Variants in TRPC5 observed in about 807,000 individuals in gnomAD.
TRPC5 encodes the protein short transient receptor potential channel 5.
In TRPC5, 9 loss-of-function variants were observed where a neutral mutation model predicts 56.5. The ratio of observed to expected loss-of-function variants is 0.16; its 90% CI spans 0.10 to 0.28. The LOEUF (loss-of-function observed/expected upper bound fraction) is 0.28. Ranked by LOEUF, TRPC5 falls within the 10% of genes least tolerant of loss-of-function variation. TRPC5 has a pLI of 1.00. For synonymous variants in TRPC5, 282 were observed against 278.5 expected (o/e 1.01, Z -0.13); for missense variants, 469 against 748.9 (o/e 0.63, Z 4.36).
chrX:111,972,309 G>A (rs1345500023), intron 1 of TRPC5, among the ~76,000 whole-genome samples: 1 of 111,999 alleles, frequency 8.9e-6, no homozygotes, highest in Non-Finnish European at 1.9e-5. Flanking sequence ...TCTGAAGACG[G>A]TATTCATATT....
chrX:111,929,262 A>G (rs764104554), intron 2 of TRPC5, among the ~76,000 whole-genome samples: 8 of 112,119 alleles, frequency 7.1e-5, no homozygotes, highest in Non-Finnish European at 1.1e-4. Context: ...CCTCATTCAT[A>G]TACTTGAGAC....
rs773086070 is a variant in TRPC5, at chrX:111,975,827, C to T, written c.-21-23386G>A. On this transcript the variant is annotated intron_variant, in intron 1 of 10. Coordinates refer to ENST00000262839, the MANE Select transcript of TRPC5 (RefSeq NM_012471.3). ...GCTGAGGCAGGAGAATGGAGCAAAG[C>T]GGAGAGGCGGAGCTTGCAGTGAGCC... 8.9e-5 allele frequency among the ~76,000 whole-genome samples: 10 copies of T among 112,002 alleles called. No homozygotes were observed. The South Asian group carries it at 1.5e-3, about 17-fold the overall frequency.
At chrX:112,062,390 G>T (rs1278557194) in intron 1 of TRPC5, among the ~76,000 whole-genome samples, 1 of 111,171 alleles carries the variant, frequency 9.0e-6, no homozygotes, top group East Asian at 2.8e-4. Context: ...TTATATAAGA[G>T]AATCACTACG....
At chrX:112,050,736 G>A (rs73266347) in intron 1 of TRPC5, among the ~76,000 whole-genome samples, 13,892 of 111,418 alleles carry the variant, frequency 0.12, 705 homozygotes, top group African/African-American at 0.16. Flanking sequence ...GAGAAGGACC[G>A]AGGAAAGAGT....
chrX:111,886,143 G>T (rs1346719590), intron 3 of TRPC5, among the ~76,000 whole-genome samples: 2 of 111,647 alleles, frequency 1.8e-5, no homozygotes, highest in Non-Finnish European at 3.8e-5. Flanking sequence ...AGTTGGGCAT[G>T]GTGGTGGGCG....
chrX:112,003,004 T>C (rs1426262110), intron 1 of TRPC5, among the ~76,000 whole-genome samples: 1 of 111,480 alleles, frequency 9.0e-6, no homozygotes, highest in Non-Finnish European at 1.9e-5. Flanking sequence ...GAGCAGAGCA[T>C]GTTAATAACT....
chrX:112,069,464 G>T (rs1930663077), intron 1 of TRPC5, among the ~76,000 whole-genome samples: 1 of 111,814 alleles, frequency 8.9e-6, no homozygotes, highest in Non-Finnish European at 1.9e-5. Flanking sequence ...GTAAGATGGG[G>T]AAATGCCTAC....
Position 111,771,333 on chromosome X carries a change from AT to A in TRPC5, c.*4979del, listed in dbSNP as rs1358772106. 1.8e-5 allele frequency among the ~76,000 whole-genome samples: 2 copies of A among 111,827 alleles called. No homozygotes were observed. Among genetic ancestry groups the A allele is most frequent in the African/African-American group, 6.5e-5 (2 of 30,756 alleles). ...CCACTTAGTTTTATGTTTAAATATTATAATTCTTAATATGTATATGTCTCTC... is the reference window on the plus strand; with the variant it reads ...CCACTTAGTTTTATGTTTAAATATTAAATTCTTAATATGTATATGTCTCTC... On this transcript the variant is annotated 3_prime_UTR_variant, in exon 11 of 11. Coordinates refer to ENST00000262839, the MANE Select transcript of TRPC5 (RefSeq NM_012471.3).
At chrX:111,954,726 A>G (rs1194033565) in intron 1 of TRPC5, among the ~76,000 whole-genome samples, 1 of 111,277 alleles carries the variant, frequency 9.0e-6, no homozygotes, top group Non-Finnish European at 1.9e-5. Flanking sequence ...TGTTACTGGT[A>G]TAGGAAGCAT....
intron 7 of TRPC5, among the ~76,000 whole-genome samples, chrX:111,809,471 C>T (rs1453632470): frequency 9.0e-6 from 1 of 111,431 alleles, no homozygotes. Flanking sequence ...AATGTCTCAG[C>T]CACTATGCTC....
chrX:111,992,301 T>C (rs1015498248), intron 1 of TRPC5, among the ~76,000 whole-genome samples: 9 of 112,558 alleles, frequency 8.0e-5, no homozygotes, highest in South Asian at 3.6e-4. Context: ...TGCATACATA[T>C]GTCAAAACAT....
chrX:111,951,193 C>T (rs769074431), intron 2 of TRPC5, among the ~76,000 whole-genome samples: 1 of 111,586 alleles, frequency 9.0e-6, no homozygotes, highest in Non-Finnish European at 1.9e-5. Flanking sequence ...CTTGTTGGGG[C>T]CCCACCCCAG....
intron 1 of TRPC5, among the ~76,000 whole-genome samples, chrX:111,955,069 G>C (rs1054450964): frequency 2.7e-5 from 3 of 111,742 alleles, no homozygotes; most frequent in Admixed American, 9.5e-5. Context: ...GTAGTGAAGA[G>C]AGACAACAGT....
At chrX:111,905,721 T>A (rs1000919345) in intron 3 of TRPC5, among the ~76,000 whole-genome samples, 2 of 109,212 alleles carry the variant, frequency 1.8e-5, no homozygotes, top group Non-Finnish European at 3.8e-5. Flanking sequence ...GAGACCATCC[T>A]GGCTAACACG....
At chrX:112,022,072 C>G (rs1268903381) in intron 1 of TRPC5, among the ~76,000 whole-genome samples, 2 of 112,147 alleles carry the variant, frequency 1.8e-5, no homozygotes, top group Non-Finnish European at 3.8e-5. Context: ...CCTAAAGGGT[C>G]TGGTTTCAGC....
intron 3 of TRPC5, among the ~76,000 whole-genome samples, chrX:111,886,677 A>G (rs1924512713): frequency 9.0e-6 from 1 of 111,679 alleles, no homozygotes; most frequent in Non-Finnish European, 1.9e-5. Flanking sequence ...TGGTATAATG[A>G]CATTCTGGAG....
At chrX:111,788,804 C>T (rs977961655) in intron 7 of TRPC5, among the ~76,000 whole-genome samples, 1 of 111,628 alleles carries the variant, frequency 9.0e-6, no homozygotes, top group African/African-American at 3.3e-5. Context: ...TGAGTGAACT[C>T]CCATTCACAA....
intron 3 of TRPC5, among the ~76,000 whole-genome samples, chrX:111,878,692 C>T (rs370159627): frequency 3.2e-4 from 36 of 111,361 alleles, no homozygotes; most frequent in African/African-American, 1.2e-3. Context: ...TCCTGATGGG[C>T]AGATGGGTGG....
chrX:111,903,484 G>A (rs924568973), intron 3 of TRPC5: 2 of 112,064 alleles, frequency 1.8e-5, no homozygotes, highest in Non-Finnish European at 3.8e-5. Flanking sequence ...ACCCTAAGAT[G>A]TTGCTATAAA....
Sources: allele counts gnomAD v4.1 joint callset (sites outside exome capture counted in the v4.1 genomes callset), GRCh38; gene constraint gnomAD v4.1.1; transcripts MANE v1.5; gene names NCBI Gene and HGNC (gene_info 2026-07-23, HGNC 2026-07-21).